The following BEST3 variants were observed in gnomAD, a reference collection of about 807,000 sequenced individuals.
BEST3 encodes the protein bestrophin-3.
In BEST3, 50 loss-of-function variants were observed where a neutral mutation model predicts 47.1. The observed-to-expected ratio is 1.06, with a 90% CI of 0.85 to 1.34. The LOEUF (loss-of-function observed/expected upper bound fraction) is 1.34. BEST3 is among the 40% of genes most tolerant of loss of function. The pLI is 0.00. For missense variants in BEST3, 765 were observed against 817.0 expected, an observed-to-expected ratio of 0.94 and a Z score of 0.78; for synonymous variants, 282 against 298.8, an observed-to-expected ratio of 0.94 and a Z score of 0.58.
chr12:69,694,136 G>T, intron 3 of BEST3: 1 of 570,370 alleles, frequency 1.8e-6, no homozygotes, highest in Non-Finnish European at 3.1e-6. Flanking sequence ...AAAATGGAGA[G>T]TTAGTGAAGA....
rs1481483965 is a variant in BEST3 at position 69,654,444 on chromosome 12, A to C, written c.*463T>G. On this transcript the variant is annotated 3_prime_UTR_variant, in exon 10 of 10. Coordinates refer to ENST00000330891, the MANE Select transcript of BEST3 (RefSeq NM_032735.3). ...AAACAAAAACGTTAGGAAGGAGGGG[A>C]TCTTTCAGGCATTAGGTGATCCATC... The C allele has an allele frequency of 1.0e-6, 1 of 986,404 alleles. No individual in the cohort carries two copies. The highest frequency in any genetic ancestry group is 1.1e-4 in the East Asian group (1 of 8,836). 61.1% of individuals were successfully genotyped at this position (986,404 alleles called of 1,614,324 possible).
intron 8 of BEST3, among the ~76,000 whole-genome samples, chr12:69,672,292 G>A (rs1884627402): frequency 6.6e-6 from 1 of 152,240 alleles, no homozygotes. Flanking sequence ...CCTTCACAGG[G>A]AAGAGAATGG....
chr12:69,698,566 A>T (rs776114720), intron 1 of BEST3, among the ~76,000 whole-genome samples: 4 of 152,198 alleles, frequency 2.6e-5, no homozygotes, highest in Non-Finnish European at 4.4e-5. Flanking sequence ...ATAAAATGAG[A>T]TTTATTTAAA....
rs533949475 is a variant in BEST3 at position 69,653,687 on chromosome 12, G to A, written c.*1220C>T. ...ATGACAAATGGTAAGTGCAGCAGTCGTAAGGCATGGCCTAGGCACTTGGGA... is the reference window on the plus strand; with the variant it reads ...ATGACAAATGGTAAGTGCAGCAGTCATAAGGCATGGCCTAGGCACTTGGGA... On this transcript the variant is annotated 3_prime_UTR_variant, in exon 10 of 10. Transcript: ENST00000330891. The A allele has an allele frequency of 9.1e-6, 9 of 985,416 alleles. No individual in the cohort carries two copies. The East Asian group carries it at 6.8e-4, about 75-fold the overall frequency. The allele number at this position is 985,416 out of a possible 1,614,324, so 61.0% of individuals were successfully genotyped here.
At position 69,654,769 on chromosome 12, in the gene BEST3, A is replaced by G; in HGVS notation, c.*138T>C. The G allele has an allele frequency of 7.2e-7, 1 of 1,384,922 alleles. No homozygotes were observed. The highest frequency in any genetic ancestry group is 3.0e-5 in the Admixed American group (1 of 33,414). The allele number at this position is 1,384,922 out of a possible 1,614,324, so 85.8% of individuals were successfully genotyped here. ...AAAAGTCAGGATCATAATGCCCTTC[A>G]AAGTTCTAAGTAGCTTATACAGTGT... is the stretch of plus-strand genomic sequence containing the variant. On this transcript the variant is annotated 3_prime_UTR_variant, in exon 10 of 10. Transcript: ENST00000330891.
chr12:69,663,618 C>G (rs1311301999), intron 9 of BEST3, among the ~76,000 whole-genome samples: 1 of 152,102 alleles, frequency 6.6e-6, no homozygotes, highest in Non-Finnish European at 1.5e-5. Flanking sequence ...CTCTTGAGAT[C>G]AGGAGTTCAA....
intron 4 of BEST3, chr12:69,684,314 A>C (rs1592364380): frequency 5.0e-6 from 2 of 402,808 alleles, no homozygotes; most frequent in African/African-American, 4.1e-5. Flanking sequence ...ATATAGATAC[A>C]TGTTTGCATT....
intron 9 of BEST3, 30 bp downstream of exon 9, chr12:69,671,398 A>AT (rs1396033759): frequency 1.4e-5 from 22 of 1,585,726 alleles, no homozygotes; most frequent in Non-Finnish European, 1.9e-5. Context: ...AGGCTGGAAA[A>AT]TATTAGAGAT....
rs551060228 is a variant in BEST3 at position 69,689,870 on chromosome 12, T to A, written c.481+3804A>T. Reference sequence around the variant, plus strand: ...ATGACCCTCAAGCTGAAACCTCGAATCCATCCTTTCTTAATTGCTGCTGCT... The same window carrying A: ...ATGACCCTCAAGCTGAAACCTCGAAACCATCCTTTCTTAATTGCTGCTGCT... On this transcript the variant is annotated intron_variant, in intron 4 of 9. Coordinates refer to ENST00000330891, the MANE Select transcript of BEST3 (RefSeq NM_032735.3). Among the ~76,000 whole-genome samples the A allele has an allele frequency of 3.3e-4, 51 of 152,350 alleles. No individual in the cohort carries two copies. The South Asian group carries it at 0.011, about 32-fold the overall frequency.
At chr12:69,661,616 G>T (rs974627810) in intron 9 of BEST3, among the ~76,000 whole-genome samples, 6 of 152,174 alleles carry the variant, frequency 3.9e-5, no homozygotes, top group Middle Eastern at 3.2e-3. Flanking sequence ...CATCAAAGCT[G>T]TAGCCAAGGA....
chr12:69,656,080 T>C (rs1440056489), intron 9 of BEST3, among the ~76,000 whole-genome samples: 1 of 152,190 alleles, frequency 6.6e-6, no homozygotes, highest in African/African-American at 2.4e-5. Flanking sequence ...AAATTATAAC[T>C]GTGGAATGTC....
chr12:69,679,251 A>G (rs1454120959), intron 4 of BEST3, among the ~76,000 whole-genome samples: 1 of 152,250 alleles, frequency 6.6e-6, no homozygotes. Context: ...TGGAATTGTT[A>G]CGATTAAAAT....
intron 4 of BEST3, among the ~76,000 whole-genome samples, chr12:69,692,803 C>T (rs1885970953): frequency 6.6e-6 from 1 of 152,122 alleles, no homozygotes; most frequent in African/African-American, 2.4e-5. Context: ...GACCTTGTCG[C>T]CCAGGGTGGA....
At chr12:69,652,156 A>T (rs1339329922), downstream of BEST3, among the ~76,000 whole-genome samples, 1 of 152,216 alleles carries the variant, frequency 6.6e-6, no homozygotes, top group African/African-American at 2.4e-5. Flanking sequence ...GGGCAGAGTT[A>T]TCTCTACAAA....
chr12:69,682,599 A>C (rs1885324061), intron 4 of BEST3, among the ~76,000 whole-genome samples: 1 of 151,782 alleles, frequency 6.6e-6, no homozygotes, highest in Non-Finnish European at 1.5e-5. Flanking sequence ...TTAATGGGAC[A>C]GAGTCTCCGT....
intron 2 of BEST3, among the ~76,000 whole-genome samples, chr12:69,694,909 G>T (rs1405538362): frequency 1.3e-5 from 2 of 152,074 alleles, no homozygotes; most frequent in Non-Finnish European, 2.9e-5. Context: ...TCCTGAATAT[G>T]CAACTTAGCA....
intron 7 of BEST3, among the ~76,000 whole-genome samples, 186 bp from the exon 8 acceptor site, chr12:69,673,151 G>A (rs1360374422): frequency 6.6e-6 from 1 of 152,206 alleles, no homozygotes; most frequent in African/African-American, 2.4e-5. Flanking sequence ...AACCATGAAT[G>A]ATGCACCTTC....
Position 69,698,397 on chromosome 12 carries a change from T to C in BEST3, c.-15-584A>G, listed in dbSNP as rs548661567. On this transcript the variant is annotated intron_variant, in intron 1 of 9. Transcript: ENST00000330891. ...CTTGAGTCCATTTCATGAATGTGGT[T>C]AGGATGAGCACTGGGCCCAAAAGCC... 5.1e-4 allele frequency among the ~76,000 whole-genome samples: 77 copies of C among 152,326 alleles called. 1 individual carries two copies. The Middle Eastern group carries it at 0.01, about 20-fold the overall frequency.
intron 4 of BEST3, chr12:69,683,711 G>C (rs1255788235): frequency 6.6e-6 from 1 of 152,170 alleles, no homozygotes; most frequent in African/African-American, 2.4e-5. Context: ...AAACCAAACT[G>C]TTCTGACCGC....
Sources: allele counts gnomAD v4.1 joint callset (sites outside exome capture counted in the v4.1 genomes callset), GRCh38; gene constraint gnomAD v4.1.1; transcripts MANE v1.5; gene names NCBI Gene and HGNC (gene_info 2026-07-23, HGNC 2026-07-21).